Variants in RYR3 observed in about 807,000 individuals in gnomAD.
The protein encoded by RYR3 is brain ryanodine receptor-calcium release channel.
Under a neutral mutation model 584.3 loss-of-function variants are expected in RYR3, and 207 were observed. The observed-to-expected ratio is 0.35, with a 90% CI of 0.32 to 0.40. The LOEUF is 0.40. Among genes scored for constraint, RYR3 ranks in the 10% least tolerant of loss-of-function variants. The pLI, the probability that RYR3 is intolerant of heterozygous loss-of-function variation, is 1.00. For missense variants in RYR3, 5,616 were observed against 6,089.2 expected (o/e 0.92, Z 2.59); for synonymous variants, 2,416 against 2,248.5 (o/e 1.07, Z -2.11).
At chr15:33,741,716 T>C (rs1476398277) in intron 51 of RYR3, among the ~76,000 whole-genome samples, 1 of 152,054 alleles carries the variant, frequency 6.6e-6, no homozygotes, top group Non-Finnish European at 1.5e-5. Flanking sequence ...TGGGTTCACG[T>C]CATTCTCCTG....
chr15:33,717,813 G>A (rs1294495433), intron 43 of RYR3, among the ~76,000 whole-genome samples: 1 of 152,168 alleles, frequency 6.6e-6, no homozygotes, highest in Non-Finnish European at 1.5e-5. Flanking sequence ...CTGCTTGTCT[G>A]CTGTCTCTAG....
chr15:33,813,617 C>A (rs117187697), intron 74 of RYR3, 38 bp downstream of exon 74: 2 of 1,475,460 alleles, frequency 1.4e-6, no homozygotes, highest in African/African-American at 1.4e-5. Context: ...TGTAAGCCAG[C>A]GATGGGAATG....
At position 33,699,733 on chromosome 15, in the gene RYR3, C is replaced by A; in HGVS notation, c.6279C>A (p.Cys2093Ter). Residue 2093 changes from cysteine (C) to a stop codon, truncating the protein, a stop_gained, in exon 41 of 104, where the codon TGC (cysteine) becomes TGA (stop). Transcript: ENST00000634891. LOFTEE classifies it high-confidence loss of function. Reference sequence around the variant, plus strand: ...CATTTCCAAAGATGGTTGCTAGCTGCTGCCGTTTCCTTTGCTATTTCTGTC... The same window carrying A: ...CATTTCCAAAGATGGTTGCTAGCTGATGCCGTTTCCTTTGCTATTTCTGTC... ...QIAFPKMVAS[C>*]CRFLCYFCRI... The A allele has an allele frequency of 6.2e-7, 1 of 1,613,828 alleles. No homozygotes were observed. The highest frequency in any genetic ancestry group is 8.5e-7 in the Non-Finnish European group (1 of 1,179,796).
At chr15:33,488,256 AT>A (rs975277208) in intron 2 of RYR3, among the ~76,000 whole-genome samples, 10 of 152,138 alleles carry the variant, frequency 6.6e-5, no homozygotes, top group African/African-American at 2.4e-4. Context: ...TCTGCTGTTC[AT>A]TTGTCATTTA....
At chr15:33,529,467 G>A (rs564361322) in intron 3 of RYR3, among the ~76,000 whole-genome samples, 7 of 152,148 alleles carry the variant, frequency 4.6e-5, no homozygotes, top group Non-Finnish European at 1.0e-4. Flanking sequence ...AGGTGGACAC[G>A]GGAGACGGGC....
chr15:33,380,608 A>G (rs562949593), intron 1 of RYR3, among the ~76,000 whole-genome samples: 13 of 152,302 alleles, frequency 8.5e-5, no homozygotes, highest in Admixed American at 2.6e-4. Flanking sequence ...AAGGGAGACA[A>G]CTCATGTTAC....
intron 16 of RYR3, among the ~76,000 whole-genome samples, chr15:33,589,844 AT>A (rs2059038377): frequency 6.6e-6 from 1 of 152,172 alleles, no homozygotes. Context: ...TACCAGTACC[AT>A]GCTATTTTGC....
intron 2 of RYR3, among the ~76,000 whole-genome samples, chr15:33,499,366 C>T (rs1417096924): frequency 6.6e-6 from 1 of 151,968 alleles, no homozygotes; most frequent in African/African-American, 2.4e-5. Flanking sequence ...CCATTCCAGA[C>T]ATCCTCAACT....
intron 1 of RYR3, among the ~76,000 whole-genome samples, chr15:33,319,332 C>T (rs1968633678): frequency 6.6e-6 from 1 of 152,180 alleles, no homozygotes; most frequent in Non-Finnish European, 1.5e-5. Context: ...AAGCCGAATC[C>T]AAGAGATCAG....
chr15:33,701,652 G>A (rs764681695), intron 42 of RYR3, among the ~76,000 whole-genome samples: 5 of 151,874 alleles, frequency 3.3e-5, no homozygotes, highest in South Asian at 2.1e-4. Flanking sequence ...GGAGGGGGAG[G>A]GGGGTGGAGA....
intron 10 of RYR3, among the ~76,000 whole-genome samples, chr15:33,554,795 G>A (rs2056958603): frequency 6.6e-6 from 1 of 152,168 alleles, no homozygotes; most frequent in Admixed American, 6.5e-5. Flanking sequence ...TTCAGATAAT[G>A]TGATTTAATA....
intron 98 of RYR3, chr15:33,856,000 G>A (rs180881457): frequency 6.6e-6 from 1 of 152,248 alleles, no homozygotes; most frequent in East Asian, 1.9e-4. Context: ...AAGTTACAGT[G>A]TGCCAAGCTC....
chr15:33,755,385 C>G (rs908085629), intron 58 of RYR3, among the ~76,000 whole-genome samples: 1 of 152,120 alleles, frequency 6.6e-6, no homozygotes, highest in Non-Finnish European at 1.5e-5. Flanking sequence ...CTTTGGGAGG[C>G]CGAGGCGGGC....
chr15:33,461,988 G>A (rs1258597124), intron 1 of RYR3, among the ~76,000 whole-genome samples: 3 of 152,046 alleles, frequency 2.0e-5, no homozygotes, highest in African/African-American at 7.2e-5. Flanking sequence ...GTTCTGAATG[G>A]AGCTGGAAAA....
rs145900882 is a variant in RYR3 at position 33,777,896 on chromosome 15, G to A, written c.9138-2315G>A. On this transcript the variant is annotated intron_variant, in intron 64 of 103. Transcript: ENST00000634891. ...TGTAAAATTTGCTGTCAGGCAGGAC[G>A]CGGTGGCTCACGCCTGTAATCCCAG... Among the ~76,000 whole-genome samples, 24 of 152,268 alleles carry A rather than the reference G, an allele frequency of 1.6e-4. No individual in the cohort carries two copies. The East Asian group carries it at 2.9e-3, about 18-fold the overall frequency.
At chr15:33,546,355 G>T (rs1417007077) in intron 8 of RYR3, among the ~76,000 whole-genome samples, 1 of 152,152 alleles carries the variant, frequency 6.6e-6, no homozygotes, top group African/African-American at 2.4e-5. Flanking sequence ...TAAGTGGCTA[G>T]CAGGTTGGTG....
At position 33,630,006 on chromosome 15, in the gene RYR3, A is replaced by G. The variant is rs1175726160; in HGVS notation, c.2746A>G (p.Lys916Glu). The G allele has an allele frequency of 6.2e-7, 1 of 1,605,864 alleles. No individual in the cohort carries two copies. Among genetic ancestry groups the G allele is most frequent in the Non-Finnish European group, 8.5e-7 (1 of 1,175,964 alleles). ...VEFSKLPETE[K>E]NYNLQMSTET... Reference sequence around the variant, plus strand: ...GTTTTCAAAGCTCCCAGAAACTGAGAAGAACTATAACCTGCAAATGTCAAC... The same window carrying G: ...GTTTTCAAAGCTCCCAGAAACTGAGGAGAACTATAACCTGCAAATGTCAAC... Residue 916 changes from lysine to glutamate, a missense_variant, in exon 22 of 104, where the codon AAG becomes GAG. This residue lies in a region of RYR3 where 1,284 missense variants were observed against 1,344.6 expected (regional missense o/e 0.95). Coordinates refer to ENST00000634891, the MANE Select transcript of RYR3 (RefSeq NM_001036.6).
At chr15:33,703,323 C>T (rs563004100) in intron 42 of RYR3, among the ~76,000 whole-genome samples, 2 of 152,142 alleles carry the variant, frequency 1.3e-5, no homozygotes, top group Non-Finnish European at 1.5e-5. Context: ...CTGGGGCTGC[C>T]ATAACAAAGT....
At chr15:33,327,914 T>A (rs1969920510) in intron 1 of RYR3, among the ~76,000 whole-genome samples, 1 of 152,234 alleles carries the variant, frequency 6.6e-6, no homozygotes, top group Non-Finnish European at 1.5e-5. Context: ...TCTTACCTAG[T>A]TACTTATGAA....
Sources: gnomAD v4.1 joint callset for allele counts (sites outside exome capture counted in the v4.1 genomes callset) on GRCh38, gnomAD v4.1.1 for gene constraint, gnomAD v4.1.1 regional missense constraint, MANE v1.5 for transcripts, NCBI Gene and HGNC (gene_info 2026-07-23, HGNC 2026-07-21) for gene names.